The following CAGE1 variants were observed in gnomAD, a reference collection of about 807,000 sequenced individuals.
The protein encoded by CAGE1 is cancer-associated gene 1 protein.
CAGE1 carries 66 observed loss-of-function variants against 94.9 expected under a neutral mutation model. That is an observed-to-expected ratio of 0.70 (90% CI 0.57 to 0.85). The LOEUF is 0.85. Among genes scored for constraint, CAGE1 ranks in the 40% least tolerant of loss-of-function variants. The probability of loss-of-function intolerance (pLI) is 0.00; values close to 1 mark genes in which losing one functional copy is unlikely to be tolerated. For missense variants in CAGE1, 865 were observed against 950.4 expected, an observed-to-expected ratio of 0.91 and a Z score of 1.18; for synonymous variants, 319 against 321.0, an observed-to-expected ratio of 0.99 and a Z score of 0.07.
chr6:7,379,458 C>T (rs1581697994), intron 3 of CAGE1, among the ~76,000 whole-genome samples: 2 of 152,284 alleles, frequency 1.3e-5, no homozygotes, highest in Middle Eastern at 3.4e-3. Context: ...GATAAGGAAA[C>T]TGAAGTGTAA....
Position 7,373,442 on chromosome 6 carries a change from T to C in CAGE1, c.1377A>G (p.Lys459=), listed in dbSNP as rs973489879. The change falls in exon 5 of 14, where the codon AAA becomes AAG. Residue 459 remains lysine, a synonymous_variant. Coordinates refer to ENST00000502583, the MANE Select transcript of CAGE1 (RefSeq NM_001170692.2). The part of the protein sequence containing the change: ...EEEVERLQQL[K]KELEKATASA... Reference sequence around the variant, plus strand: ...AAGCTGTGGCCTTTTCCAGTTCTTTTTTGAGTTGTTGTAGTCTCTCTACCT... The same window carrying C: ...AAGCTGTGGCCTTTTCCAGTTCTTTCTTGAGTTGTTGTAGTCTCTCTACCT... 1 of 1,613,886 alleles carries C rather than the reference T, an allele frequency of 6.2e-7. No homozygotes were observed. Among genetic ancestry groups the C allele is most frequent in the Non-Finnish European group, 8.5e-7 (1 of 1,179,858 alleles).
At chr6:7,343,602 T>C (rs1387540881) in intron 11 of CAGE1, among the ~76,000 whole-genome samples, 1 of 152,182 alleles carries the variant, frequency 6.6e-6, no homozygotes, top group Admixed American at 6.5e-5. Flanking sequence ...GTGTTGTCTG[T>C]AGGAGATATG....
rs1760639794 is a variant in CAGE1 at position 7,373,823 on chromosome 6, A to G, written c.996T>C (p.Tyr332=). 6.2e-7 allele frequency: 1 copy of G among 1,613,898 alleles called. No homozygotes were observed. Among genetic ancestry groups the G allele is most frequent in the Non-Finnish European group, 8.5e-7 (1 of 1,179,850 alleles). The change falls in exon 5 of 14, where the codon TAT becomes TAC. Residue 332 remains tyrosine, a synonymous_variant. Coordinates refer to ENST00000502583, the MANE Select transcript of CAGE1 (RefSeq NM_001170692.2). ...GTAGTTCTTTAACCCTCTTCTCTAA[A>G]TACAGGTTACTACACTGGAGTTCTT... is the stretch of plus-strand genomic sequence containing the variant. ...RIQELQCSNL[Y]LEKRVKELQM...
chr6:7,351,405 T>A (rs1352344088), intron 11 of CAGE1, among the ~76,000 whole-genome samples: 1 of 151,976 alleles, frequency 6.6e-6, no homozygotes, highest in South Asian at 2.1e-4. Flanking sequence ...TTGGCACTAT[T>A]CCACAAGGTA....
At chr6:7,345,929 A>C (rs1328304998) in intron 11 of CAGE1, among the ~76,000 whole-genome samples, 1 of 143,306 alleles carries the variant, frequency 7.0e-6, no homozygotes, top group Non-Finnish European at 1.6e-5. Flanking sequence ...CATCTCAAAA[A>C]AAGAAAAATT....
At position 7,373,866 on chromosome 6, in the gene CAGE1, T is replaced by C; in HGVS notation, c.953A>G (p.Lys318Arg). 6.2e-7 allele frequency: 1 copy of C among 1,614,012 alleles called. No homozygotes were observed. Residue 318 changes from lysine (K) to arginine (R), a missense_variant, in exon 5 of 14, where the codon AAG becomes AGG. Transcript: ENST00000502583. ...VLQKLKHTNRKQEVRIQELQC... is the reference protein window; with the variant it reads ...VLQKLKHTNRRQEVRIQELQC... ...GAGTTCTTGGATTCGCACTTCCTGC[T>C]TTCTGTTAGTATGTTTTAATTTCTG... is the stretch of plus-strand genomic sequence containing the variant.
chr6:7,373,891 G>T lies in CAGE1; in HGVS notation c.928C>A (p.Gln310Lys). 2 of 1,613,932 alleles carry T rather than the reference G, an allele frequency of 1.2e-6. No homozygotes were observed. The highest frequency in any genetic ancestry group is 1.1e-5 in the South Asian group (1 of 91,072). The change falls in exon 5 of 14, where the codon CAG becomes AAG. Residue 310 changes from glutamine (Q) to lysine (K), a missense_variant. By Grantham distance (53) the Gln-to-Lys change is moderately conservative. Coordinates refer to ENST00000502583, the MANE Select transcript of CAGE1 (RefSeq NM_001170692.2). ...QEDMALNEVL[Q>K]KLKHTNRKQE... ...TTTCTGTTAGTATGTTTTAATTTCT[G>T]CAAGACTTCATTTAAAGCCATGTCC...
chr6:7,326,924 C>G lies in CAGE1; in HGVS notation c.2479-25G>C, dbSNP rs771576244. On this transcript the variant is annotated intron_variant, in intron 13 of 13. Transcript: ENST00000502583. ...TCTAAAAATGAAAGGAAAAATGTTT[C>G]GTAAGTTTTGGGGAAAGACTAACAT... 5 of 1,569,096 alleles carry G rather than the reference C, an allele frequency of 3.2e-6. No homozygotes were observed. In the African/African-American group the frequency reaches 6.8e-5, roughly 21 times the overall value.
At chr6:7,344,647 G>A (rs534618562) in intron 11 of CAGE1, among the ~76,000 whole-genome samples, 3 of 152,336 alleles carry the variant, frequency 2.0e-5, no homozygotes, top group South Asian at 2.1e-4. Flanking sequence ...CAGCCCCGGT[G>A]CCGGATCCAC....
intron 7 of CAGE1, among the ~76,000 whole-genome samples, chr6:7,367,612 T>C (rs920564654): frequency 6.6e-6 from 1 of 152,150 alleles, no homozygotes; most frequent in African/African-American, 2.4e-5. Context: ...GTTGGGCTTA[T>C]TTTTGAAAGC....
intron 11 of CAGE1, chr6:7,341,151 G>A (rs1415946198): frequency 1.8e-6 from 1 of 569,722 alleles, no homozygotes; most frequent in Non-Finnish European, 3.4e-6. Context: ...GGTAGTTATT[G>A]GTGGGCAGGT....
chr6:7,355,008 T>A (rs1439476680), intron 11 of CAGE1, 33 bp downstream of exon 11: 1 of 1,498,780 alleles, frequency 6.7e-7, no homozygotes, highest in Non-Finnish European at 9.2e-7. Context: ...TAGTAAATAT[T>A]CACAAAATTA....
At chr6:7,345,570 A>G (rs1759456866) in intron 11 of CAGE1, among the ~76,000 whole-genome samples, 1 of 152,194 alleles carries the variant, frequency 6.6e-6, no homozygotes, top group Admixed American at 6.5e-5. Flanking sequence ...AGCCTTTTAG[A>G]AAAACAATGT....
intron 11 of CAGE1, among the ~76,000 whole-genome samples, chr6:7,346,060 A>AT (rs1371099671): frequency 9.2e-5 from 14 of 152,096 alleles, no homozygotes; most frequent in Admixed American, 7.2e-4. Flanking sequence ...GTATTTGATA[A>AT]TTTTTTTTAA....
intron 11 of CAGE1, chr6:7,341,828 G>C: frequency 1.5e-6 from 1 of 679,132 alleles, no homozygotes; most frequent in South Asian, 1.4e-5. Context: ...AGTCGGGCAG[G>C]TGCCTTGCAC....
At chr6:7,337,342 AAAAAG>A (rs1187723230) in intron 11 of CAGE1, among the ~76,000 whole-genome samples, 1 of 151,842 alleles carries the variant, frequency 6.6e-6, no homozygotes, top group African/African-American at 2.4e-5. Context: ...AAAAAAAAAA[AAAAAG>A]AAGAGCAGTT....
chr6:7,386,628 A>G (rs1223260144), intron 2 of CAGE1, among the ~76,000 whole-genome samples: 2 of 152,176 alleles, frequency 1.3e-5, no homozygotes, highest in Non-Finnish European at 2.9e-5. Flanking sequence ...GCTCTCTCGC[A>G]TAGGCTGGAG....
intron 11 of CAGE1, among the ~76,000 whole-genome samples, chr6:7,342,858 TCTACATGTGGCTTGCC>T (rs1391940905): frequency 6.6e-6 from 1 of 152,200 alleles, no homozygotes; most frequent in Admixed American, 6.5e-5. Flanking sequence ...GTTTCATTCT[TCTACATGTGGCTTGCC>T]AATTATCCCA....
Position 7,374,111 on chromosome 6 carries a change from T to G in CAGE1, c.708A>C (p.Glu236Asp). The change falls in exon 5 of 14, where the codon GAA becomes GAC. Residue 236 changes from glutamate to aspartate, a missense_variant. By Grantham distance (45) the Glu-to-Asp change is conservative. Coordinates refer to ENST00000502583, the MANE Select transcript of CAGE1 (RefSeq NM_001170692.2). ...FLCKTAVPSK[E>D]IQNYGEIPEM... The stretch of plus-strand genomic sequence containing the variant: ...CAGGAATCTCCCCATAATTCTGTAT[T>G]TCTTTTGAAGGAACTGCAGTCTGTA... 9 of 1,612,586 alleles carry G rather than the reference T, an allele frequency of 5.6e-6. No homozygotes were observed. Among genetic ancestry groups the G allele is most frequent in the Non-Finnish European group, 7.6e-6 (9 of 1,179,034 alleles).
Sources: allele counts gnomAD v4.1 joint callset (sites outside exome capture counted in the v4.1 genomes callset), GRCh38; gene constraint gnomAD v4.1.1; transcripts MANE v1.5; gene names NCBI Gene and HGNC (gene_info 2026-07-23, HGNC 2026-07-21).